ROCK1: variants seen among roughly 807,000 people sequenced by gnomAD.
ROCK1 encodes rho-associated protein kinase 1.
In ROCK1, 36 loss-of-function variants were observed where a neutral mutation model predicts 196.8. The observed-to-expected ratio is 0.18, with a 90% CI of 0.14 to 0.24. The LOEUF is 0.24. Ranked by LOEUF, ROCK1 falls within the 10% of genes least tolerant of loss-of-function variation. The pLI, the probability that ROCK1 is intolerant of heterozygous loss-of-function variation, is 1.00. For missense variants in ROCK1, 920 were observed against 1,562.0 expected (o/e 0.59, Z 6.93); for synonymous variants, 443 against 515.9 (o/e 0.86, Z 1.91).
intron 12 of ROCK1, among the ~76,000 whole-genome samples, chr18:21,017,958 G>C (rs1447918379): frequency 4.0e-5 from 6 of 150,710 alleles, no homozygotes; most frequent in Non-Finnish European, 8.9e-5. Flanking sequence ...GGGTGACAGA[G>C]TGAGACTCTG....
intron 10 of ROCK1, among the ~76,000 whole-genome samples, chr18:21,024,448 T>C (rs766485592): frequency 3.9e-5 from 6 of 152,194 alleles, no homozygotes; most frequent in Non-Finnish European, 7.3e-5. Flanking sequence ...GTACTGCCAG[T>C]GTTGCTCCTA....
chr18:21,091,283 C>T (rs2036567835), intron 1 of ROCK1, among the ~76,000 whole-genome samples: 1 of 151,524 alleles, frequency 6.6e-6, no homozygotes, highest in African/African-American at 2.4e-5. Flanking sequence ...TTTTCTCTAG[C>T]TTACTTTACT....
At chr18:21,033,255 T>C (rs1310889673) in intron 9 of ROCK1, among the ~76,000 whole-genome samples, 3 of 152,072 alleles carry the variant, frequency 2.0e-5, no homozygotes, top group Admixed American at 6.5e-5. Context: ...TCAGTTGTCA[T>C]ACAAAAAGCA....
intron 1 of ROCK1, among the ~76,000 whole-genome samples, chr18:21,107,108 T>G (rs1161899132): frequency 2.0e-5 from 3 of 152,254 alleles, no homozygotes; most frequent in African/African-American, 4.8e-5. Context: ...AATATTTTAA[T>G]AATTTTGTGC....
At chr18:21,056,783 T>C (rs1598546533) in intron 2 of ROCK1, among the ~76,000 whole-genome samples, 1 of 152,102 alleles carries the variant, frequency 6.6e-6, no homozygotes, top group Non-Finnish European at 1.5e-5. Flanking sequence ...CCTACAATTC[T>C]CCCCCTTGCC....
rs376267478 is a variant in ROCK1, at chr18:20,961,252, T to C, written c.3353-1046A>G. Reference sequence around the variant, plus strand: ...GACACTAAAATATGAGATTATACTATCATTCAAATGGTAATCCTAAGGCAA... The same window carrying C: ...GACACTAAAATATGAGATTATACTACCATTCAAATGGTAATCCTAAGGCAA... On this transcript the variant is annotated intron_variant, in intron 27 of 32. Coordinates refer to ENST00000399799, the MANE Select transcript of ROCK1 (RefSeq NM_005406.3). Among the ~76,000 whole-genome samples, 4 of 152,296 alleles carry C rather than the reference T, an allele frequency of 2.6e-5. No individual in the cohort carries two copies. The East Asian group carries it at 7.7e-4, about 29-fold the overall frequency.
In ROCK1 at chr18:21,062,787, AAAGCT is replaced by A. The variant is rs550785613; in HGVS notation, c.175+7740_175+7744del. Among the ~76,000 whole-genome samples the A allele has an allele frequency of 4.6e-5, 7 of 152,294 alleles. No individual in the cohort carries two copies. In the South Asian group the frequency reaches 1.5e-3, roughly 32 times the overall value. ...AGTTATGTTCCAATGAAACCCTCAT[AAAGCT>A]GGAAATTTTAAAGTCAGAGACCACC... On this transcript the variant is annotated intron_variant, in intron 2 of 32. Coordinates refer to ENST00000399799, the MANE Select transcript of ROCK1 (RefSeq NM_005406.3).
chr18:21,048,825 C>T (rs1374475322), intron 4 of ROCK1, among the ~76,000 whole-genome samples: 1 of 152,182 alleles, frequency 6.6e-6, no homozygotes, highest in Non-Finnish European at 1.5e-5. Flanking sequence ...ATTCAGATAA[C>T]AGGCATGAGC....
chr18:21,038,778 C>G (rs1329325421), intron 9 of ROCK1, among the ~76,000 whole-genome samples: 1 of 152,174 alleles, frequency 6.6e-6, no homozygotes, highest in Non-Finnish European at 1.5e-5. Flanking sequence ...AAGATGTCAG[C>G]AGGGGAAAGA....
At chr18:20,961,369 A>G (rs2035324622) in intron 27 of ROCK1, among the ~76,000 whole-genome samples, 1 of 152,212 alleles carries the variant, frequency 6.6e-6, no homozygotes, top group African/African-American at 2.4e-5. Context: ...TTATTTATTC[A>G]TAAATTTACT....
At chr18:20,962,942 C>A (rs1486076208) in intron 27 of ROCK1, among the ~76,000 whole-genome samples, 3 of 151,990 alleles carry the variant, frequency 2.0e-5, no homozygotes, top group Non-Finnish European at 4.4e-5. Flanking sequence ...AATATACTTA[C>A]CAGTTTTTAA....
At chr18:21,030,773 ATAAC>A (rs2035998888) in intron 9 of ROCK1, among the ~76,000 whole-genome samples, 1 of 152,216 alleles carries the variant, frequency 6.6e-6, no homozygotes, top group South Asian at 2.1e-4. Flanking sequence ...TTTTCATTAA[ATAAC>A]TGTTAATTTA....
chr18:20,986,094 G>A (rs550919123), intron 19 of ROCK1, among the ~76,000 whole-genome samples: 1 of 152,130 alleles, frequency 6.6e-6, no homozygotes, highest in South Asian at 2.1e-4. Context: ...CTTAAGCAAT[G>A]TGCCCATCTG....
At chr18:21,018,934 T>TA (rs1054549016) in intron 12 of ROCK1, among the ~76,000 whole-genome samples, 1 of 152,184 alleles carries the variant, frequency 6.6e-6, no homozygotes, top group Non-Finnish European at 1.5e-5. Flanking sequence ...TTATGCTAGG[T>TA]AATTTAAAAT....
chr18:21,083,424 ACTACAAAG>A (rs1270489187), intron 1 of ROCK1, among the ~76,000 whole-genome samples: 12 of 152,196 alleles, frequency 7.9e-5, no homozygotes, highest in Non-Finnish European at 8.8e-5. Flanking sequence ...TTCAAAAATC[ACTACAAAG>A]CTACAGTAAC....
chr18:21,068,104 T>A (rs1338546751), intron 2 of ROCK1, among the ~76,000 whole-genome samples: 1 of 152,226 alleles, frequency 6.6e-6, no homozygotes, highest in Non-Finnish European at 1.5e-5. Flanking sequence ...TTTTCAAAAA[T>A]GGTTTGTGTT....
intron 2 of ROCK1, among the ~76,000 whole-genome samples, chr18:21,065,201 T>A (rs1433459789): frequency 6.6e-6 from 1 of 152,236 alleles, no homozygotes; most frequent in Admixed American, 6.5e-5. Flanking sequence ...TAACTCTGAA[T>A]AGTGATTATT....
intron 27 of ROCK1, among the ~76,000 whole-genome samples, chr18:20,965,592 C>G (rs1314126553): frequency 2.0e-5 from 3 of 152,064 alleles, no homozygotes; most frequent in Admixed American, 2.0e-4. Flanking sequence ...CCAAACACTT[C>G]TAAAAGTCAT....
At chr18:21,055,519 T>C (rs1439714804) in intron 2 of ROCK1, among the ~76,000 whole-genome samples, 1 of 152,182 alleles carries the variant, frequency 6.6e-6, no homozygotes, top group Non-Finnish European at 1.5e-5. Context: ...ATATATTTTG[T>C]CTTTTCATAT....
Sources: allele counts gnomAD v4.1 joint callset (sites outside exome capture counted in the v4.1 genomes callset), GRCh38; gene constraint gnomAD v4.1.1; transcripts MANE v1.5; gene names NCBI Gene and HGNC (gene_info 2026-07-23, HGNC 2026-07-21).